The following LMTK3 variants were observed in gnomAD, a reference collection of about 807,000 sequenced individuals.
The protein encoded by LMTK3 is lemur tail kinase 3.
Under a neutral mutation model 116.7 loss-of-function variants are expected in LMTK3, and 27 were observed. The ratio of observed to expected loss-of-function variants is 0.23; its 90% CI spans 0.17 to 0.32. The LOEUF (loss-of-function observed/expected upper bound fraction) is 0.32, where lower values mean the gene tolerates loss of function less well. Ranked by LOEUF, LMTK3 falls within the 10% of genes least tolerant of loss-of-function variation. LMTK3 has a pLI of 1.00. For missense variants in LMTK3, 1,764 were observed against 2,068.5 expected (o/e 0.85, Z 2.86); for synonymous variants, 965 against 971.0 (o/e 0.99, Z 0.11).
rs1218404783 is a variant in LMTK3, at chr19:48,498,117, G to A, written c.2952C>T (p.Ala984=). ...CCCCATTCACCAGCACCTTCTCCCC[G>A]GCCTCTGGGGACCTCAGCTCCCCAT... ...LENGELRSPE[A]GEKVLVNGGL... is the part of the protein sequence containing the mutation. Residue 984 remains alanine (A), a synonymous_variant, in exon 11 of 15, where the codon GCC becomes GCT. Coordinates refer to ENST00000600059, the MANE Select transcript of LMTK3 (RefSeq NM_001388485.1). 1 of 1,613,272 alleles carries A rather than the reference G, an allele frequency of 6.2e-7. No homozygotes were observed. The highest frequency in any genetic ancestry group is 1.3e-5 in the African/African-American group (1 of 74,920).
At chr19:48,503,270 A>G (rs1257458993) in intron 5 of LMTK3, among the ~76,000 whole-genome samples, 1 of 151,812 alleles carries the variant, frequency 6.6e-6, no homozygotes, top group Non-Finnish European at 1.5e-5. Context: ...CTGGTCTCGA[A>G]CTCCTGACCT....
intron 7 of LMTK3, among the ~76,000 whole-genome samples, 168 bp downstream of exon 7, chr19:48,502,265 T>C (rs1601052955): frequency 2.1e-5 from 3 of 141,124 alleles, no homozygotes; most frequent in African/African-American, 8.0e-5. Context: ...ATTCCCCTCC[T>C]GGTCCCGCCT....
rs7256813 is a variant in LMTK3, at chr19:48,486,261, G to T, written c.4367-472C>A. ...TTTTTAGTAGAGACGGGGTTTCACCGTTTTAGCCGGGATGGTCTCGACCTC... is the reference window on the plus strand; with the variant it reads ...TTTTTAGTAGAGACGGGGTTTCACCTTTTTAGCCGGGATGGTCTCGACCTC... On this transcript the variant is annotated intron_variant, in intron 14 of 14. Transcript: ENST00000600059. 7.6e-3 allele frequency among the ~76,000 whole-genome samples: 1,126 copies of T among 148,878 alleles called. 15 individuals carry two copies. Among genetic ancestry groups the T allele is most frequent in the African/African-American group, 0.026 (1,036 of 40,158 alleles).
rs1326826489 is a variant in LMTK3, at chr19:48,501,335, C to G, written c.949G>C (p.Glu317Gln). The G allele has an allele frequency of 9.3e-6, 15 of 1,613,340 alleles. No homozygotes were observed. Among genetic ancestry groups the G allele is most frequent in the Non-Finnish European group, 1.1e-5 (13 of 1,179,796 alleles). The change falls in exon 9 of 15, where the codon GAG becomes CAG. Residue 317 changes from glutamate to glutamine, a missense_variant. Glu to Gln is a conservative substitution (Grantham distance 29). Around this residue, in one of 7 missense-constraint regions of LMTK3, gnomAD observed 271 missense variants for 478.2 expected, o/e 0.57. Coordinates refer to ENST00000600059, the MANE Select transcript of LMTK3 (RefSeq NM_001388485.1). ...ACCACCATGAAGGTCCCGTGGAGCT[C>G]CCCGAGGAGCTCGGGCGCCGCCCAG... is the stretch of plus-strand genomic sequence containing the variant. ...LRWAAPELLGELHGTFMVVDQ... is the reference protein window; with the variant it reads ...LRWAAPELLGQLHGTFMVVDQ...
rs1601053175 is a variant in LMTK3 at position 48,502,491 on chromosome 19, T to A, written c.736A>T (p.Met246Leu). 2.5e-6 allele frequency: 4 copies of A among 1,610,740 alleles called. No individual in the cohort carries two copies. Among genetic ancestry groups the A allele is most frequent in the Non-Finnish European group, 3.4e-6 (4 of 1,178,928 alleles). The change falls in exon 7 of 15, where the codon ATG becomes TTG. Residue 246 changes from methionine to leucine, a missense_variant. By Grantham distance (15) the Met-to-Leu change is conservative. Around this residue, in one of 7 missense-constraint regions of LMTK3, gnomAD observed 271 missense variants for 478.2 expected, o/e 0.57. Transcript: ENST00000600059. ...PPRDLRTLQR[M>L]GLEIARGLAH... ...AGCCCGCGGGCGATCTCCAGGCCCA[T>A]CCTCTGCAGCGTCCGCAGGTCTCGA... is the stretch of plus-strand genomic sequence containing the variant.
rs148406252 is a variant in LMTK3 at position 48,503,789 on chromosome 19, TTCTC to T, written c.558-797_558-794del. 5.4e-3 allele frequency among the ~76,000 whole-genome samples: 811 copies of T among 149,600 alleles called. 7 individuals are homozygous for T. Among genetic ancestry groups the T allele is most frequent in the African/African-American group, 0.017 (670 of 40,458 alleles). On this transcript the variant is annotated intron_variant, in intron 5 of 14. Coordinates refer to ENST00000600059, the MANE Select transcript of LMTK3 (RefSeq NM_001388485.1). The stretch of plus-strand genomic sequence containing the variant: ...GGCCCGGGCCTTTGCACCTACAGTT[TTCTC>T]TCTCTCTCTCTCTCTCTTTTTTTTC...
upstream of LMTK3, among the ~76,000 whole-genome samples, chr19:48,511,999 G>C (rs1972672472): frequency 6.8e-6 from 1 of 147,256 alleles, no homozygotes; most frequent in Non-Finnish European, 1.5e-5. Flanking sequence ...CCAGGAGGGA[G>C]GGGAGGAAAT....
At chr19:48,510,313 T>A (rs140290394) in intron 2 of LMTK3, 140 bp from the exon 3 acceptor site, 3 of 1,406,834 alleles carry the variant, frequency 2.1e-6, no homozygotes, top group African/African-American at 2.9e-5. Flanking sequence ...CATTTCCCCA[T>A]CCCAAGGCTC....
At position 48,499,942 on chromosome 19, in the gene LMTK3, G is replaced by A. The variant is rs562167273; in HGVS notation, c.1152-25C>T. 70 of 1,560,740 alleles carry A rather than the reference G, an allele frequency of 4.5e-5. No individual in the cohort carries two copies. The South Asian group carries it at 8.2e-4, about 18-fold the overall frequency. On this transcript the variant is annotated intron_variant, in intron 10 of 14. Transcript: ENST00000600059. ...CCTGGGGAGAGGTGGGGCAGAGTGAGCAGGGCAGAGACCCAGGGAGGGGAA... is the reference window on the plus strand; with the variant it reads ...CCTGGGGAGAGGTGGGGCAGAGTGAACAGGGCAGAGACCCAGGGAGGGGAA...
rs1972293688 is a variant in LMTK3 at position 48,494,636 on chromosome 19, C to G, written c.3677-527G>C. On this transcript the variant is annotated intron_variant, in intron 11 of 14. Transcript: ENST00000600059. The surrounding 1 kb of genome is among the most constrained non-coding windows in gnomAD (Gnocchi z 4.0). ...GAGCCACCACACCCGGCCAGATCCA[C>G]CTCTCTGAGCCTCTGTTTCCTCACT... Among the ~76,000 whole-genome samples the G allele has an allele frequency of 6.6e-6, 1 of 152,116 alleles. No individual in the cohort carries two copies. Among genetic ancestry groups the G allele is most frequent in the African/African-American group, 2.4e-5 (1 of 41,406 alleles).
At chr19:48,503,134 C>T (rs1023588138) in intron 5 of LMTK3, 138 bp from the exon 6 acceptor site, 14 of 657,140 alleles carry the variant, frequency 2.1e-5, no homozygotes, top group African/African-American at 7.2e-5. Context: ...GACGGAGTCT[C>T]GCTCTGTCGC....
At chr19:48,507,910 G>A (rs959811345) in intron 5 of LMTK3, among the ~76,000 whole-genome samples, 3 of 152,194 alleles carry the variant, frequency 2.0e-5, no homozygotes, top group Non-Finnish European at 4.4e-5. Flanking sequence ...ATGCCATGAC[G>A]GGGTGAAGCA....
chr19:48,494,237 G>GCCCTGGTGCAGCCCTTCC lies in LMTK3; in HGVS notation c.3677-129_3677-128insGGAAGGGCTGCACCAGGG. On this transcript the variant is annotated intron_variant, in intron 11 of 14. Coordinates refer to ENST00000600059, the MANE Select transcript of LMTK3 (RefSeq NM_001388485.1). The surrounding 1 kb of genome is among the most constrained non-coding windows in gnomAD (Gnocchi z 4.0). ...CTCAGCACCCACTTTGTGAACGGAA[G>GCCCTGGTGCAGCCCTTCC]GGCTGCACCAGGGCTTCTCCAGGCA... The GCCCTGGTGCAGCCCTTCC allele has an allele frequency of 2.2e-6, 1 of 452,906 alleles. No individual in the cohort carries two copies. Among genetic ancestry groups the GCCCTGGTGCAGCCCTTCC allele is most frequent in the Non-Finnish European group, 3.1e-6 (1 of 321,562 alleles). 28.1% of individuals were successfully genotyped at this position (452,906 alleles called of 1,614,324 possible). A position where few individuals can be genotyped will look rare whatever the true frequency, so the allele number is the denominator to read the frequency against.
rs901515421 is a variant in LMTK3, at chr19:48,497,573, G to C, written c.3496C>G (p.Pro1166Ala). 7.4e-7 allele frequency: 1 copy of C among 1,351,568 alleles called. No homozygotes were observed. The highest frequency in any genetic ancestry group is 9.5e-7 in the Non-Finnish European group (1 of 1,051,114). 83.7% of individuals were successfully genotyped at this position (1,351,568 alleles called of 1,614,324 possible). Residue 1166 changes from proline (P) to alanine (A), a missense_variant, in exon 11 of 15, where the codon CCG (proline) becomes GCG (alanine). Coordinates refer to ENST00000600059, the MANE Select transcript of LMTK3 (RefSeq NM_001388485.1). The surrounding 1 kb of genome is among the most constrained non-coding windows in gnomAD (Gnocchi z 5.7). ...AQPRRLEPAPPRARPEVAPEG... is the reference protein window; with the variant it reads ...AQPRRLEPAPARARPEVAPEG... ...GGGGCCACCTCCGGCCTGGCTCTCG[G>C]GGGCGCTGGCTCCAGCCTCCTCGGC...
chr19:48,492,966 C>T (rs1569100158), intron 12 of LMTK3, among the ~76,000 whole-genome samples: 2 of 151,882 alleles, frequency 1.3e-5, no homozygotes, highest in East Asian at 1.9e-4. Flanking sequence ...AAGCCTCCTC[C>T]CATCTTCCTA....
intron 7 of LMTK3, 116 bp from the exon 8 acceptor site, chr19:48,501,678 G>A: frequency 9.9e-7 from 1 of 1,011,262 alleles, no homozygotes; most frequent in Non-Finnish European, 1.5e-6. Context: ...CACTGACTCT[G>A]CCCCTTCCCT....
chr19:48,513,206 CAT>C, upstream of LMTK3: 3 of 1,563,252 alleles, frequency 1.9e-6, no homozygotes, highest in Non-Finnish European at 2.6e-6. This position sits in a 1 kb window ranked among gnomAD's most constrained non-coding sequence, Gnocchi z 5.6. Flanking sequence ...GATACATGAT[CAT>C]AGTTTATTTA....
chr19:48,498,493 G>T lies in LMTK3; in HGVS notation c.2576C>A (p.Thr859Lys), dbSNP rs373942106. 37 of 1,596,288 alleles carry T rather than the reference G, an allele frequency of 2.3e-5. No homozygotes were observed. The highest frequency in any genetic ancestry group is 3.0e-5 in the Non-Finnish European group (35 of 1,171,364). Residue 859 changes from threonine to lysine, a missense_variant, in exon 11 of 15, where the codon ACG becomes AAG. By Grantham distance (78) the Thr-to-Lys change is moderately conservative. Coordinates refer to ENST00000600059, the MANE Select transcript of LMTK3 (RefSeq NM_001388485.1). ...CCGCAGGGACATCAGCAGCTGTTCC[G>T]TGCTCACTTGAACCACGAAGGTCGG... is the stretch of plus-strand genomic sequence containing the variant. ...EKPTFVVQVSTEQLLMSLRED... is the reference protein window; with the variant it reads ...EKPTFVVQVSKEQLLMSLRED...
At chr19:48,509,952 A>G in intron 3 of LMTK3, 71 bp downstream of exon 3, 1 of 1,563,196 alleles carries the variant, frequency 6.4e-7, no homozygotes, top group Non-Finnish European at 8.7e-7. Context: ...CAGCCCCTGA[A>G]GGAACACACT....
Sources: gnomAD v4.1 joint callset for allele counts (sites outside exome capture counted in the v4.1 genomes callset) on GRCh38, gnomAD v4.1.1 for gene constraint, gnomAD v4.1.1 regional missense constraint, Gnocchi (gnomAD v3.1) non-coding constraint, MANE v1.5 for transcripts, NCBI Gene and HGNC (gene_info 2026-07-23, HGNC 2026-07-21) for gene names.